The following LEPR variants were observed in gnomAD, a reference collection of about 807,000 sequenced individuals.
The protein encoded by LEPR is OB receptor.
Under a neutral mutation model 114.7 loss-of-function variants are expected in LEPR, and 56 were observed. The observed-to-expected ratio is 0.49, with a 90% confidence interval of 0.39 to 0.61. The LOEUF (loss-of-function observed/expected upper bound fraction) is 0.61, where lower values mean the gene tolerates loss of function less well. Ranked by LOEUF, LEPR falls within the 20% of genes least tolerant of loss-of-function variation. The pLI, the probability that LEPR is intolerant of heterozygous loss-of-function variation, is 0.00. For synonymous variants in LEPR, 443 were observed against 461.4 expected (o/e 0.96, Z 0.51); for missense variants, 1,202 against 1,352.9 (o/e 0.89, Z 1.75).
intron 2 of LEPR, among the ~76,000 whole-genome samples, chr1:65,486,025 T>A (rs539662955): frequency 1.8e-4 from 27 of 152,312 alleles, no homozygotes; most frequent in Non-Finnish European, 3.5e-4. Context: ...GCTGAATTAC[T>A]TTGGTAATAT....
intron 2 of LEPR, among the ~76,000 whole-genome samples, chr1:65,462,307 G>A (rs1230761752): frequency 6.6e-6 from 1 of 152,190 alleles, no homozygotes; most frequent in Non-Finnish European, 1.5e-5. Flanking sequence ...CTTCATCCAT[G>A]TCCCTGCAAA....
intron 2 of LEPR, among the ~76,000 whole-genome samples, chr1:65,500,508 C>G (rs537299608): frequency 2.7e-4 from 41 of 152,220 alleles, no homozygotes; most frequent in African/African-American, 9.6e-4. Flanking sequence ...TTTCCTCTTC[C>G]CCCTCAGCCT....
At chr1:65,485,835 A>C (rs1015805443) in intron 2 of LEPR, among the ~76,000 whole-genome samples, 1 of 152,248 alleles carries the variant, frequency 6.6e-6, no homozygotes. Flanking sequence ...CAGACAGTAC[A>C]TCCAAGAAGA....
chr1:65,429,838 A>G (rs1646451841), intron 2 of LEPR: 1 of 1,395,574 alleles, frequency 7.2e-7, no homozygotes, highest in Non-Finnish European at 9.4e-7. Flanking sequence ...TTCTTTTTGG[A>G]TTTTGCCTGG....
rs796597694 is a variant in LEPR, at chr1:65,488,210, TTCTCTC to T, written c.-21+62846_-21+62851del. ...TTTCTTTCTTTCTTTCTTTCTTTCTTTCTCTCTCTCTCTCTCTCTTTCTTTCTTTCT... is the reference window on the plus strand; with the variant it reads ...TTTCTTTCTTTCTTTCTTTCTTTCTTTCTCTCTCTCTCTTTCTTTCTTTCT... On this transcript the variant is annotated intron_variant, in intron 2 of 19. Coordinates refer to ENST00000349533, the MANE Select transcript of LEPR (RefSeq NM_002303.6). 3.1e-4 allele frequency among the ~76,000 whole-genome samples: 8 copies of T among 25,874 alleles called. No individual in the cohort carries two copies. The East Asian group carries it at 6.2e-3, about 20-fold the overall frequency. 17.0% of individuals were successfully genotyped at this position (25,874 alleles called of 152,430 possible).
intron 2 of LEPR, among the ~76,000 whole-genome samples, chr1:65,529,480 C>G (rs145760176): frequency 1.4e-3 from 203 of 147,960 alleles, no homozygotes; most frequent in African/African-American, 4.7e-3. Flanking sequence ...AAGATCGCAC[C>G]ACTGCACTCC....
chr1:65,488,348 A>G (rs865980090), intron 2 of LEPR, among the ~76,000 whole-genome samples: 3 of 131,352 alleles, frequency 2.3e-5, no homozygotes, highest in Middle Eastern at 8.9e-3. Context: ...CTTTTTTTTA[A>G]CAGGATCTCA....
intron 2 of LEPR, among the ~76,000 whole-genome samples, chr1:65,475,058 T>C (rs993510543): frequency 1.6e-5 from 1 of 63,980 alleles, no homozygotes; most frequent in Admixed American, 1.6e-4. Flanking sequence ...TTTTGAAAGG[T>C]GAAAAAAAAA....
chr1:65,558,499 A>AGGTTTTTTTTTTT (rs1652990185), intron 2 of LEPR, among the ~76,000 whole-genome samples: 1 of 25,556 alleles, frequency 3.9e-5, no homozygotes, highest in African/African-American at 2.6e-4. Context: ...ATGTTTCTTA[A>AGGTTTTTTTTTTT]TGTTTTTTTT....
chr1:65,477,111 A>T (rs182442625), intron 2 of LEPR, among the ~76,000 whole-genome samples: 17 of 152,284 alleles, frequency 1.1e-4, no homozygotes, highest in African/African-American at 4.1e-4. Flanking sequence ...AATCTTTTAG[A>T]CATAATTTTA....
At chr1:65,424,574 T>C (rs191468548) in intron 1 of LEPR, among the ~76,000 whole-genome samples, 1 of 152,326 alleles carries the variant, frequency 6.6e-6, no homozygotes, top group East Asian at 1.9e-4. Flanking sequence ...ACATGGGTCA[T>C]TGTCTTAATC....
At chr1:65,530,474 G>C (rs1650308088) in intron 2 of LEPR, among the ~76,000 whole-genome samples, 1 of 152,148 alleles carries the variant, frequency 6.6e-6, no homozygotes, top group Admixed American at 6.5e-5. Flanking sequence ...GCAGCCCCAA[G>C]GTCTGCTGGT....
At chr1:65,598,561 A>T in intron 7 of LEPR, 99 bp from the exon 8 acceptor site, 1 of 1,532,744 alleles carries the variant, frequency 6.5e-7, no homozygotes, top group Non-Finnish European at 8.9e-7. Flanking sequence ...TGTGTAAGAT[A>T]TTAATTCTTT....
chr1:65,568,162 T>C (rs533983441), intron 3 of LEPR, among the ~76,000 whole-genome samples: 176 of 152,344 alleles, frequency 1.2e-3, no homozygotes, highest in African/African-American at 4.2e-3. Context: ...GTCATATAGT[T>C]GGAATAACAT....
intron 2 of LEPR, among the ~76,000 whole-genome samples, chr1:65,508,188 T>G (rs1260376613): frequency 1.3e-5 from 2 of 152,230 alleles, no homozygotes; most frequent in African/African-American, 4.8e-5. Context: ...AGTTTTTAGT[T>G]TGACGCAATC....
intron 2 of LEPR, among the ~76,000 whole-genome samples, chr1:65,469,589 T>C (rs1002425067): frequency 2.6e-5 from 4 of 152,278 alleles, no homozygotes; most frequent in African/African-American, 4.8e-5. Context: ...ACCAGAACTT[T>C]CCAGCCACAA....
At chr1:65,578,501 GCC>G (rs1654754661) in intron 5 of LEPR, 1 of 178,952 alleles carries the variant, frequency 5.6e-6, no homozygotes, top group South Asian at 1.2e-4. Flanking sequence ...CACAGGAGCT[GCC>G]CAGGGGGTGA....
intron 5 of LEPR, among the ~76,000 whole-genome samples, chr1:65,574,450 G>T (rs555371499): frequency 6.6e-6 from 1 of 151,964 alleles, no homozygotes; most frequent in African/African-American, 2.4e-5. Flanking sequence ...TAAAAAATTA[G>T]GGGGGGTGGA....
chr1:65,586,718 G>C (rs1655342214), intron 5 of LEPR, among the ~76,000 whole-genome samples: 1 of 151,970 alleles, frequency 6.6e-6, no homozygotes, highest in Non-Finnish European at 1.5e-5. Flanking sequence ...AGAGTTTGCT[G>C]ATCCCAAGCT....
Sources: allele counts gnomAD v4.1 joint callset (sites outside exome capture counted in the v4.1 genomes callset), GRCh38; gene constraint gnomAD v4.1.1; transcripts MANE v1.5; gene names NCBI Gene and HGNC (gene_info 2026-07-23, HGNC 2026-07-21).